The following CAAP1 variants were observed in gnomAD, a reference collection of about 807,000 sequenced individuals.
CAAP1 encodes conserved anti-apoptotic protein.
CAAP1 carries 20 observed loss-of-function variants against 34.0 expected under a neutral mutation model. The observed-to-expected ratio is 0.59, with a 90% CI of 0.41 to 0.86. The LOEUF (loss-of-function observed/expected upper bound fraction) is 0.86, where lower values mean the gene tolerates loss of function less well. Ranked by LOEUF, CAAP1 falls within the 40% of genes least tolerant of loss-of-function variation. The pLI is 0.00. For synonymous variants in CAAP1, 213 were observed against 166.7 expected (o/e 1.28, Z -2.14); for missense variants, 538 against 450.5 (o/e 1.19, Z -1.76).
At chr9:26,871,364 G>A (rs1823270416) in intron 4 of CAAP1, among the ~76,000 whole-genome samples, 1 of 152,108 alleles carries the variant, frequency 6.6e-6, no homozygotes, top group African/African-American at 2.4e-5. Context: ...GACCACCTGA[G>A]TTCAGGAGTT....
intron 4 of CAAP1, chr9:26,880,592 G>T: frequency 6.4e-6 from 1 of 155,286 alleles, no homozygotes; most frequent in Non-Finnish European, 1.4e-5. Context: ...CCTTCACCTA[G>T]AGTTCAGTGA....
In CAAP1 at chr9:26,889,820, A is replaced by T. The variant is rs1004293753; in HGVS notation, c.304-2307T>A. Among the ~76,000 whole-genome samples the T allele has an allele frequency of 2.0e-5, 3 of 148,184 alleles. No homozygotes were observed. In the East Asian group the frequency reaches 6.0e-4, roughly 29 times the overall value. On this transcript the variant is annotated intron_variant, in intron 1 of 5. Transcript: ENST00000333916. ...GAGGCGGCGCTTGCAGTGAGCCGAG[A>T]TCACGCCACTGCACTCCAGCCTGGG...
intron 4 of CAAP1, among the ~76,000 whole-genome samples, chr9:26,871,771 A>C (rs1459115436): frequency 6.6e-6 from 1 of 151,334 alleles, no homozygotes; most frequent in African/African-American, 2.4e-5. Context: ...TACAAGACAA[A>C]AACTAGCTGG....
intron 4 of CAAP1, among the ~76,000 whole-genome samples, chr9:26,864,589 A>T (rs1013175264): frequency 6.6e-6 from 1 of 152,218 alleles, no homozygotes; most frequent in African/African-American, 2.4e-5. Context: ...GCTTCATTGT[A>T]TATAAACTGT....
In CAAP1 at chr9:26,850,337, A is replaced by G. The variant is rs112891827; in HGVS notation, c.740-7690T>C. ...AGTACGTGGGCAGAGTGGGGGTTGG[A>G]GAGACAGAACATGACTACCCCAAAA... On this transcript the variant is annotated intron_variant, in intron 5 of 5. Transcript: ENST00000333916. 7.9e-5 allele frequency among the ~76,000 whole-genome samples: 12 copies of G among 152,268 alleles called. 2 individuals carry two copies. Among genetic ancestry groups the G allele is most frequent in the African/African-American group, 2.9e-4 (12 of 41,558 alleles).
chr9:26,886,379 A>G (rs891665818), intron 2 of CAAP1, among the ~76,000 whole-genome samples, 191 bp from the exon 3 acceptor site: 1 of 152,194 alleles, frequency 6.6e-6, no homozygotes, highest in Non-Finnish European at 1.5e-5. Context: ...TGAACACTGC[A>G]TATTTGAAGG....
intron 5 of CAAP1, among the ~76,000 whole-genome samples, chr9:26,847,530 T>A (rs191357777): frequency 0.021 from 3,243 of 152,140 alleles, 57 homozygotes; most frequent in Non-Finnish European, 0.033. Context: ...ACTATTTTTT[T>A]AATTTACATT....
chr9:26,886,174 T>C lies in CAAP1; in HGVS notation c.519A>G (p.Glu173=), dbSNP rs749004240. 2 of 1,553,710 alleles carry C rather than the reference T, an allele frequency of 1.3e-6. No homozygotes were observed. The highest frequency in any genetic ancestry group is 1.7e-6 in the Non-Finnish European group (2 of 1,153,186). Residue 173 remains glutamate (E), a synonymous_variant, in exon 3 of 6, where the codon GAA becomes GAG. Coordinates refer to ENST00000333916, the MANE Select transcript of CAAP1 (RefSeq NM_024828.4). ...LPDVLKNCSI[E]EIKKLCQEQL... ...GTTCCTGGCATAGTTTTTTAATTTC[T>C]TCTATTGAACAGTTCTAAAGGAAAT...
intron 4 of CAAP1, among the ~76,000 whole-genome samples, chr9:26,879,366 G>A (rs951819919): frequency 6.6e-6 from 1 of 152,106 alleles, no homozygotes; most frequent in Non-Finnish European, 1.5e-5. Context: ...ATTCTGACTT[G>A]CATTAATGCT....
At position 26,841,537 on chromosome 9, in the gene CAAP1, A is replaced by G. The variant is rs1391985635; in HGVS notation, c.*764T>C. 6.6e-6 allele frequency: 1 copy of G among 152,592 alleles called. No homozygotes were observed. The highest frequency in any genetic ancestry group is 1.5e-5 in the Non-Finnish European group (1 of 67,996). The allele number at this position is 152,592 out of a possible 1,614,324, so 9.5% of individuals were successfully genotyped here. A position where few individuals can be genotyped will look rare whatever the true frequency, so the allele number is the denominator to read the frequency against. ...GGAATTATAGCACATCAGATCTTTAAGCAACTACATCAGATAAAATCCTAG... is the reference window on the plus strand; with the variant it reads ...GGAATTATAGCACATCAGATCTTTAGGCAACTACATCAGATAAAATCCTAG... On this transcript the variant is annotated 3_prime_UTR_variant, in exon 6 of 6. Coordinates refer to ENST00000333916, the MANE Select transcript of CAAP1 (RefSeq NM_024828.4).
At chr9:26,881,654 C>T (rs1371903644) in intron 4 of CAAP1, among the ~76,000 whole-genome samples, 2 of 152,182 alleles carry the variant, frequency 1.3e-5, no homozygotes, top group South Asian at 2.1e-4. Flanking sequence ...TCAGTTATGT[C>T]TCTATTAGCA....
At position 26,842,516 on chromosome 9, in the gene CAAP1, T is replaced by C. The variant is rs368199043; in HGVS notation, c.871A>G (p.Ile291Val). The C allele has an allele frequency of 1.2e-6, 2 of 1,614,106 alleles. No individual in the cohort carries two copies. The highest frequency in any genetic ancestry group is 2.7e-5 in the African/African-American group (2 of 74,940). ...ENTVQSEAGQ[I>V]DDLEKDIEKS... is the part of the protein sequence containing the mutation. ...TCAATGTCTTTCTCCAGGTCATCTA[T>C]CTGACCAGCTTCACTTTGGACTGTA... The change falls in exon 6 of 6, where the codon ATA becomes GTA. Residue 291 changes from isoleucine (I) to valine (V), a missense_variant. Physicochemically the swap from Ile to Val is conservative, Grantham distance 29 (BLOSUM62 3). This residue lies in a region of CAAP1 where 514 missense variants were observed against 408.4 expected (regional missense o/e 1.26). Coordinates refer to ENST00000333916, the MANE Select transcript of CAAP1 (RefSeq NM_024828.4).
intron 4 of CAAP1, among the ~76,000 whole-genome samples, chr9:26,882,721 GA>G (rs1297199318): frequency 1.3e-5 from 2 of 152,276 alleles, no homozygotes; most frequent in Non-Finnish European, 2.9e-5. Flanking sequence ...CGTGCACCTG[GA>G]AAAGCCTCAG....
At chr9:26,880,251 T>C (rs1465531750) in intron 4 of CAAP1, 2 of 412,828 alleles carry the variant, frequency 4.8e-6, no homozygotes, top group Non-Finnish European at 9.6e-6. Context: ...GACAACCAGA[T>C]AGGCCTCACT....
At chr9:26,872,586 T>G (rs1490025391) in intron 4 of CAAP1, among the ~76,000 whole-genome samples, 2 of 144,732 alleles carry the variant, frequency 1.4e-5, no homozygotes, top group Non-Finnish European at 3.0e-5. Context: ...AGACAGAGTG[T>G]CAATCTGTTG....
intron 4 of CAAP1, among the ~76,000 whole-genome samples, chr9:26,862,564 T>G (rs909138556): frequency 5.3e-5 from 8 of 151,954 alleles, no homozygotes; most frequent in African/African-American, 1.9e-4. Context: ...CCAGACAAAC[T>G]CAAAATGGAA....
chr9:26,862,762 C>T (rs1180420550), intron 4 of CAAP1, among the ~76,000 whole-genome samples: 1 of 152,050 alleles, frequency 6.6e-6, no homozygotes, highest in Non-Finnish European at 1.5e-5. Flanking sequence ...AACTGAAATA[C>T]TGATGGGGAA....
chr9:26,885,009 C>A, intron 3 of CAAP1, 124 bp from the exon 4 acceptor site: 11 of 551,542 alleles, frequency 2.0e-5, no homozygotes, highest in East Asian at 3.7e-5. Flanking sequence ...TGGGTCAAAA[C>A]TTAAATTTTT....
chr9:26,845,141 A>C (rs576176205), intron 5 of CAAP1, among the ~76,000 whole-genome samples: 1 of 151,952 alleles, frequency 6.6e-6, no homozygotes, highest in Admixed American at 6.6e-5. Flanking sequence ...TGACATTTTT[A>C]TGTATTTTTA....
Sources: allele counts gnomAD v4.1 joint callset (sites outside exome capture counted in the v4.1 genomes callset), GRCh38; gene constraint gnomAD v4.1.1; regional missense constraint gnomAD v4.1.1; transcripts MANE v1.5; gene names NCBI Gene and HGNC (gene_info 2026-07-23, HGNC 2026-07-21).